MDGA2: variants seen among roughly 807,000 people sequenced by gnomAD.
The protein encoded by MDGA2 is MAM domain-containing glycosylphosphatidylinositol anchor protein 2.
In MDGA2, 40 loss-of-function variants were observed where a neutral mutation model predicts 117.8. That is an observed-to-expected ratio of 0.34 (90% CI 0.26 to 0.44). The LOEUF is 0.44. MDGA2 is among the 20% of genes least tolerant of loss of function. MDGA2 has a pLI of 1.00. For synonymous variants in MDGA2, 452 were observed against 439.0 expected (o/e 1.03, Z -0.37); for missense variants, 1,123 against 1,250.6 (o/e 0.90, Z 1.54).
intron 1 of MDGA2, among the ~76,000 whole-genome samples, chr14:47,530,359 G>A (rs1249832924): frequency 6.6e-6 from 1 of 152,116 alleles, no homozygotes; most frequent in Non-Finnish European, 1.5e-5. Context: ...AGCTTTTCCT[G>A]CCACTGTTAC....
At chr14:47,005,214 T>C (rs1020135088) in intron 8 of MDGA2, among the ~76,000 whole-genome samples, 50 of 151,660 alleles carry the variant, frequency 3.3e-4, no homozygotes, top group African/African-American at 1.2e-3. Context: ...TATCATAGAA[T>C]ATGATGTTAA....
intron 14 of MDGA2, among the ~76,000 whole-genome samples, chr14:46,863,617 C>T (rs1881602356): frequency 6.6e-6 from 1 of 152,130 alleles, no homozygotes; most frequent in Admixed American, 6.6e-5. Flanking sequence ...ATAATATTGT[C>T]TATTAATTAT....
intron 7 of MDGA2, among the ~76,000 whole-genome samples, chr14:47,049,312 T>C (rs1889372178): frequency 6.6e-6 from 1 of 152,004 alleles, no homozygotes; most frequent in Non-Finnish European, 1.5e-5. Context: ...AAGGTATTGG[T>C]TCCAGACCAC....
At chr14:47,038,961 A>C (rs1888963577) in intron 7 of MDGA2, among the ~76,000 whole-genome samples, 1 of 151,886 alleles carries the variant, frequency 6.6e-6, no homozygotes, top group Non-Finnish European at 1.5e-5. Context: ...AAAAAAAAAA[A>C]AAATAGATTT....
intron 3 of MDGA2, among the ~76,000 whole-genome samples, chr14:47,208,417 G>A (rs1466872411): frequency 6.6e-6 from 1 of 151,810 alleles, no homozygotes; most frequent in Non-Finnish European, 1.5e-5. Context: ...CTCAGAATTT[G>A]CTGGACTTTA....
chr14:46,920,887 C>T (rs748405479), intron 9 of MDGA2, among the ~76,000 whole-genome samples: 15 of 152,062 alleles, frequency 9.9e-5, no homozygotes, highest in Admixed American at 2.0e-4. Context: ...AAACTTAAAA[C>T]AATTAATTAA....
intron 1 of MDGA2, among the ~76,000 whole-genome samples, chr14:47,491,032 G>T (rs1466299230): frequency 2.6e-5 from 4 of 152,100 alleles, no homozygotes; most frequent in Admixed American, 2.6e-4. Context: ...CGGACAGTGG[G>T]TAGACAAACA....
At chr14:46,965,634 T>C (rs1263289372) in intron 8 of MDGA2, among the ~76,000 whole-genome samples, 1 of 152,186 alleles carries the variant, frequency 6.6e-6, no homozygotes, top group Non-Finnish European at 1.5e-5. Flanking sequence ...TGATAGATGG[T>C]TCATTTTAAG....
rs116044438 is a variant in MDGA2, at chr14:46,919,184, A to C, written c.2238+828T>G. Among the ~76,000 whole-genome samples the C allele has an allele frequency of 4.5e-3, 678 of 152,298 alleles. 2 individuals are homozygous for C. Among genetic ancestry groups the C allele is most frequent in the African/African-American group, 0.015 (632 of 41,570 alleles). On this transcript the variant is annotated intron_variant, in intron 10 of 16. Coordinates refer to ENST00000399232, the MANE Select transcript of MDGA2 (RefSeq NM_001113498.3). ...ATCAGTCTTACTCGATGAAAATTTT[A>C]TTCTCTCTACCATCCCAATTCAAAA...
At chr14:46,859,336 C>T (rs573900344) in intron 14 of MDGA2, among the ~76,000 whole-genome samples, 1 of 152,156 alleles carries the variant, frequency 6.6e-6, no homozygotes, top group Non-Finnish European at 1.5e-5. Context: ...TATTATAAGT[C>T]TTGGTTTTTC....
chr14:46,924,534 G>A (rs1279843014), intron 9 of MDGA2, among the ~76,000 whole-genome samples: 1 of 152,022 alleles, frequency 6.6e-6, no homozygotes, highest in Non-Finnish European at 1.5e-5. Context: ...CAGGTTTATA[G>A]GACATGTTTG....
intron 1 of MDGA2, among the ~76,000 whole-genome samples, chr14:47,658,635 G>A (rs1481424032): frequency 6.6e-6 from 1 of 152,008 alleles, no homozygotes; most frequent in Admixed American, 6.6e-5. Flanking sequence ...TCTAAGATGG[G>A]GTGTAACATT....
At chr14:47,196,231 C>CA (rs1177447282) in intron 3 of MDGA2, among the ~76,000 whole-genome samples, 2 of 151,966 alleles carry the variant, frequency 1.3e-5, no homozygotes, top group African/African-American at 4.8e-5. Context: ...TGTAAAGCAC[C>CA]AAACACATTG....
At position 47,093,785 on chromosome 14, in the gene MDGA2, A is replaced by T. The variant is rs375388589; in HGVS notation, c.1195+3069T>A. Reference sequence around the variant, plus strand: ...AATTCTGAAATGTTTCTTGAATTTTATTTCTATCAGCACTCTACACTCTTA... The same window carrying T: ...AATTCTGAAATGTTTCTTGAATTTTTTTTCTATCAGCACTCTACACTCTTA... On this transcript the variant is annotated intron_variant, in intron 6 of 16. Transcript: ENST00000399232. Among the ~76,000 whole-genome samples the T allele has an allele frequency of 2.0e-5, 3 of 152,082 alleles. No individual in the cohort carries two copies. The South Asian group carries it at 6.2e-4, about 31-fold the overall frequency.
At chr14:47,029,516 TAGTTG>T (rs1888585823) in intron 8 of MDGA2, among the ~76,000 whole-genome samples, 1 of 152,180 alleles carries the variant, frequency 6.6e-6, no homozygotes, top group Non-Finnish European at 1.5e-5. Context: ...ATCATGTCAT[TAGTTG>T]AAGGTACAAC....
chr14:47,061,046 G>A (rs1418298494), intron 7 of MDGA2, among the ~76,000 whole-genome samples: 1 of 151,876 alleles, frequency 6.6e-6, no homozygotes, highest in Non-Finnish European at 1.5e-5. Context: ...GATAATTTCT[G>A]TAAAATCTTA....
intron 9 of MDGA2, among the ~76,000 whole-genome samples, chr14:46,941,558 G>C (rs1959812): frequency 0.21 from 32,314 of 152,008 alleles, 4,462 homozygotes; most frequent in South Asian, 0.4. Context: ...AACAGACACC[G>C]GGAGGTTTGA....
chr14:47,383,261 G>T (rs1188044367), intron 1 of MDGA2, among the ~76,000 whole-genome samples: 1 of 151,768 alleles, frequency 6.6e-6, no homozygotes, highest in Non-Finnish European at 1.5e-5. Context: ...TGAGTTAATG[G>T]GTGCAGCACA....
intron 2 of MDGA2, among the ~76,000 whole-genome samples, chr14:47,233,743 G>A (rs1886766901): frequency 1.3e-5 from 2 of 152,100 alleles, no homozygotes; most frequent in African/African-American, 4.8e-5. Flanking sequence ...TTAACTAAAA[G>A]GCAAAGTATT....
Sources: allele counts gnomAD v4.1 joint callset (sites outside exome capture counted in the v4.1 genomes callset), GRCh38; gene constraint gnomAD v4.1.1; transcripts MANE v1.5; gene names NCBI Gene and HGNC (gene_info 2026-07-23, HGNC 2026-07-21).